SDK1: variants seen among roughly 807,000 people sequenced by gnomAD.
The protein encoded by SDK1 is protein sidekick-1.
In SDK1, 157 loss-of-function variants were observed where a neutral mutation model predicts 245.5. That is an observed-to-expected ratio of 0.64 (90% CI 0.56 to 0.73). The LOEUF is 0.73. SDK1 is among the 30% of genes least tolerant of loss of function. The pLI is 0.00. For missense variants in SDK1, 3,583 were observed against 3,002.3 expected, an observed-to-expected ratio of 1.19 and a Z score of -4.52; for synonymous variants, 1,647 against 1,278.5, an observed-to-expected ratio of 1.29 and a Z score of -6.15.
intron 1 of SDK1, among the ~76,000 whole-genome samples, chr7:3,591,910 G>GTCAA (rs1780887459): frequency 6.6e-6 from 1 of 152,238 alleles, no homozygotes; most frequent in Non-Finnish European, 1.5e-5. Flanking sequence ...TGAAGTTTGA[G>GTCAA]AGGACTGGGG....
intron 5 of SDK1, among the ~76,000 whole-genome samples, chr7:3,944,362 ATTCCT>A (rs1336772396): frequency 3.9e-5 from 6 of 152,244 alleles, no homozygotes; most frequent in Non-Finnish European, 4.4e-5. Flanking sequence ...GCAAAATAGA[ATTCCT>A]TTCTCTACTT....
At chr7:4,072,630 C>T (rs561420081) in intron 20 of SDK1, among the ~76,000 whole-genome samples, 16 of 152,318 alleles carry the variant, frequency 1.1e-4, no homozygotes, top group African/African-American at 3.4e-4. Context: ...AAACTGTGTT[C>T]GTGGGCAAAC....
intron 35 of SDK1, among the ~76,000 whole-genome samples, chr7:4,194,058 A>C (rs553748247): frequency 6.6e-6 from 1 of 152,270 alleles, no homozygotes; most frequent in African/African-American, 2.4e-5. Context: ...GGATCTAATC[A>C]TATTAAGCAG....
At chr7:3,782,960 G>A (rs561880569) in intron 4 of SDK1, among the ~76,000 whole-genome samples, 1 of 152,136 alleles carries the variant, frequency 6.6e-6, no homozygotes, top group East Asian at 1.9e-4. Context: ...GAACATAGAT[G>A]CAGATTTCTC....
chr7:4,058,190 C>G (rs1267009979), intron 19 of SDK1, among the ~76,000 whole-genome samples: 1 of 151,340 alleles, frequency 6.6e-6, no homozygotes, highest in Non-Finnish European at 1.5e-5. Context: ...AGAAATTTAC[C>G]AAAGAGATAA....
intron 14 of SDK1, among the ~76,000 whole-genome samples, chr7:4,000,160 C>G (rs1235301868): frequency 1.3e-5 from 2 of 152,174 alleles, no homozygotes; most frequent in Non-Finnish European, 2.9e-5. Context: ...AGCCCCAGGC[C>G]TGGACGTGGA....
chr7:3,996,862 A>G (rs879182911), intron 14 of SDK1, among the ~76,000 whole-genome samples: 3 of 152,172 alleles, frequency 2.0e-5, no homozygotes, highest in Admixed American at 2.0e-4. Flanking sequence ...TAATTGGCAT[A>G]GTAATGTCTC....
rs148699594 is a variant in SDK1, at chr7:3,739,968, G to T, written c.714-81482G>T. Among the ~76,000 whole-genome samples, 156 of 152,304 alleles carry T rather than the reference G, an allele frequency of 1.0e-3. 1 individual carries two copies. Among genetic ancestry groups the T allele is most frequent in the African/African-American group, 3.6e-3 (151 of 41,566 alleles). The stretch of plus-strand genomic sequence containing the variant: ...TGACCTTCTTAAGATAATTCTGTAA[G>T]ATATATATTCTATGTATGTTTAGCC... On this transcript the variant is annotated intron_variant, in intron 4 of 44. Transcript: ENST00000404826.
chr7:4,132,547 C>A, intron 28 of SDK1, 124 bp downstream of exon 28: 1 of 632,154 alleles, frequency 1.6e-6, no homozygotes, highest in South Asian at 1.8e-5. Context: ...CATTGTGAGA[C>A]CCCATCTCTC....
intron 5 of SDK1, among the ~76,000 whole-genome samples, chr7:3,945,490 T>G (rs1780538202): frequency 6.6e-6 from 1 of 152,130 alleles, no homozygotes; most frequent in Non-Finnish European, 1.5e-5. Flanking sequence ...GAAATGTATT[T>G]CACCCATGAA....
At chr7:3,686,992 C>T (rs1784301967) in intron 4 of SDK1, among the ~76,000 whole-genome samples, 2 of 150,254 alleles carry the variant, frequency 1.3e-5, no homozygotes, top group South Asian at 2.1e-4. Flanking sequence ...TGATCTGCAG[C>T]TCAAGAAGGG....
intron 35 of SDK1, among the ~76,000 whole-genome samples, chr7:4,193,340 T>C (rs1783341940): frequency 8.0e-6 from 1 of 124,760 alleles, no homozygotes; most frequent in Non-Finnish European, 1.6e-5. Context: ...AATATATTAA[T>C]TTATATAATA....
intron 5 of SDK1, among the ~76,000 whole-genome samples, chr7:3,885,756 C>A (rs186284035): frequency 1.3e-5 from 2 of 152,340 alleles, no homozygotes; most frequent in Admixed American, 1.3e-4. Flanking sequence ...TGCCAAGCTG[C>A]ATTAGTTGTA....
intron 4 of SDK1, among the ~76,000 whole-genome samples, chr7:3,737,150 G>C (rs1229479454): frequency 1.3e-5 from 2 of 152,140 alleles, no homozygotes; most frequent in Non-Finnish European, 2.9e-5. Context: ...GCCTGGTGGA[G>C]TGGCAGGCTG....
intron 1 of SDK1, among the ~76,000 whole-genome samples, chr7:3,390,423 C>T (rs1438386064): frequency 1.3e-5 from 2 of 152,146 alleles, no homozygotes; most frequent in South Asian, 2.1e-4. Context: ...AACTGTGCAT[C>T]CTCTTATTGT....
chr7:3,815,785 A>C (rs1366901492), intron 4 of SDK1, among the ~76,000 whole-genome samples: 1 of 151,238 alleles, frequency 6.6e-6, no homozygotes, highest in Non-Finnish European at 1.5e-5. Context: ...AAATCAACAG[A>C]ATATACATTT....
intron 13 of SDK1, among the ~76,000 whole-genome samples, chr7:3,982,709 G>A (rs890764985): frequency 1.3e-5 from 2 of 152,040 alleles, no homozygotes; most frequent in Admixed American, 6.5e-5. Context: ...GCTTGGTGGC[G>A]GGTGCCTGTA....
chr7:3,608,613 TTA>T (rs1478180559), intron 1 of SDK1, among the ~76,000 whole-genome samples: 2 of 151,682 alleles, frequency 1.3e-5, no homozygotes, highest in Non-Finnish European at 2.9e-5. Flanking sequence ...GGTAGCTGTG[TTA>T]ATTTGTGATA....
chr7:3,390,223 GC>G (rs1221768188), intron 1 of SDK1, among the ~76,000 whole-genome samples: 3 of 152,160 alleles, frequency 2.0e-5, no homozygotes, highest in Non-Finnish European at 4.4e-5. Context: ...GTTCCAGGGT[GC>G]CCTTTCTGAC....
Sources: allele counts gnomAD v4.1 joint callset (sites outside exome capture counted in the v4.1 genomes callset), GRCh38; gene constraint gnomAD v4.1.1; transcripts MANE v1.5; gene names NCBI Gene and HGNC (gene_info 2026-07-23, HGNC 2026-07-21).